PRKN: variants seen among roughly 807,000 people sequenced by gnomAD.
PRKN encodes parkin RBR E3 ubiquitin protein ligase.
In PRKN, 56 loss-of-function variants were observed where a neutral mutation model predicts 59.5. The ratio of observed to expected loss-of-function variants is 0.94; its 90% CI spans 0.76 to 1.18. The LOEUF (loss-of-function observed/expected upper bound fraction) is 1.18, where lower values mean the gene tolerates loss of function less well. Among genes scored for constraint, PRKN ranks in the 50% most tolerant of loss-of-function variants. The pLI is 0.00. For missense variants in PRKN, 657 were observed against 596.4 expected, an observed-to-expected ratio of 1.10 and a Z score of -1.06; for synonymous variants, 250 against 222.1, an observed-to-expected ratio of 1.13 and a Z score of -1.12.
intron 2 of PRKN, among the ~76,000 whole-genome samples, chr6:162,404,631 C>G (rs1787970036): frequency 6.6e-6 from 1 of 152,060 alleles, no homozygotes; most frequent in Non-Finnish European, 1.5e-5. Flanking sequence ...TGGCTCACTG[C>G]AACCTCCACC....
At chr6:161,940,717 G>A (rs960023596) in intron 6 of PRKN, among the ~76,000 whole-genome samples, 5 of 152,128 alleles carry the variant, frequency 3.3e-5, no homozygotes, top group Admixed American at 2.0e-4. Flanking sequence ...AAGAAGAGCC[G>A]GAAAGTGACT....
chr6:162,504,317 T>C (rs567517573), intron 1 of PRKN, among the ~76,000 whole-genome samples: 43 of 152,282 alleles, frequency 2.8e-4, no homozygotes, highest in African/African-American at 7.5e-4. Flanking sequence ...AATCTGTGCA[T>C]AAGCCATGAC....
chr6:161,689,929 C>T (rs1322762544), intron 7 of PRKN, among the ~76,000 whole-genome samples: 3 of 101,696 alleles, frequency 2.9e-5, no homozygotes, highest in South Asian at 4.0e-4. Context: ...AGGCTGGTCT[C>T]GAGCTCCTGA....
At chr6:162,328,656 A>G (rs1427443333) in intron 2 of PRKN, among the ~76,000 whole-genome samples, 1 of 152,174 alleles carries the variant, frequency 6.6e-6, no homozygotes, top group Non-Finnish European at 1.5e-5. Context: ...GGCAGCTCTG[A>G]TATTAAAGCC....
At chr6:162,084,769 A>T (rs957098469) in intron 4 of PRKN, among the ~76,000 whole-genome samples, 2 of 152,024 alleles carry the variant, frequency 1.3e-5, no homozygotes, top group Admixed American at 1.3e-4. Context: ...TATAGTGTGT[A>T]TTTAAAAAAT....
At chr6:162,103,278 A>C (rs963839124) in intron 4 of PRKN, among the ~76,000 whole-genome samples, 4 of 152,134 alleles carry the variant, frequency 2.6e-5, no homozygotes, top group Non-Finnish European at 5.9e-5. Flanking sequence ...GAAAATGAGG[A>C]TGAAATTCCA....
intron 2 of PRKN, among the ~76,000 whole-genome samples, chr6:162,401,684 A>C (rs543622215): frequency 6.6e-6 from 1 of 152,332 alleles, no homozygotes; most frequent in Non-Finnish European, 1.5e-5. Flanking sequence ...TTTAAGCAAT[A>C]AACTTCAAAC....
intron 7 of PRKN, among the ~76,000 whole-genome samples, chr6:161,647,201 C>T (rs1783989016): frequency 6.6e-6 from 1 of 152,184 alleles, no homozygotes; most frequent in Non-Finnish European, 1.5e-5. Flanking sequence ...TACATCCTTA[C>T]CTATAAGGAT....
At chr6:161,820,130 CT>C (rs928338893) in intron 6 of PRKN, among the ~76,000 whole-genome samples, 1 of 151,964 alleles carries the variant, frequency 6.6e-6, no homozygotes, top group Non-Finnish European at 1.5e-5. Flanking sequence ...GTAATTTAAA[CT>C]TTTTTACCAG....
At chr6:162,520,034 G>A (rs1368429012) in intron 1 of PRKN, among the ~76,000 whole-genome samples, 1 of 152,144 alleles carries the variant, frequency 6.6e-6, no homozygotes, top group African/African-American at 2.4e-5. Context: ...AGGACTGCTT[G>A]AGACCAGGAG....
chr6:162,170,606 G>T (rs1252249769), intron 4 of PRKN, among the ~76,000 whole-genome samples: 1 of 152,182 alleles, frequency 6.6e-6, no homozygotes, highest in African/African-American at 2.4e-5. Flanking sequence ...AATATTAGAT[G>T]AAGGAATTTG....
At chr6:162,034,184 T>TAGAGAGAGAG (rs763053180) in intron 5 of PRKN, among the ~76,000 whole-genome samples, 84 of 122,810 alleles carry the variant, frequency 6.8e-4, no homozygotes, top group African/African-American at 1.4e-3. Flanking sequence ...TATATATATA[T>TAGAGAGAGAG]ATAGAGAGAG....
Position 161,510,709 on chromosome 6 carries a change from T to C in PRKN, c.1083+38145A>G, listed in dbSNP as rs75722601. On this transcript the variant is annotated intron_variant, in intron 9 of 11. Transcript: ENST00000366898. ...GTCAATGTTACTCCAGCAGAAGTTA[T>C]GTTTTTGCTAACCTTCAAGAAAATA... Among the ~76,000 whole-genome samples the C allele has an allele frequency of 6.6e-3, 1,009 of 152,352 alleles. 11 individuals carry two copies. Among genetic ancestry groups the C allele is most frequent in the African/African-American group, 0.022 (917 of 41,582 alleles).
chr6:161,594,446 G>A (rs1005056501), intron 7 of PRKN, among the ~76,000 whole-genome samples: 2 of 152,202 alleles, frequency 1.3e-5, no homozygotes, highest in African/African-American at 4.8e-5. Context: ...TTCAAGAAGA[G>A]TGGCAGGCCA....
In PRKN at chr6:162,458,854, T is replaced by C. The variant is rs573762084; in HGVS notation, c.8-15381A>G. Among the ~76,000 whole-genome samples the C allele has an allele frequency of 3.7e-3, 564 of 152,276 alleles. 3 individuals carry two copies. The highest frequency in any genetic ancestry group is 6.0e-3 in the Non-Finnish European group (405 of 68,020). On this transcript the variant is annotated intron_variant, in intron 1 of 11. Coordinates refer to ENST00000366898, the MANE Select transcript of PRKN (RefSeq NM_004562.3). ...GTTTTTAAGACAGGGTCTCACTCTG[T>C]CACTAAGGCTGGAGTATAGTTGCAT...
At chr6:162,122,144 C>T (rs1780941419) in intron 4 of PRKN, among the ~76,000 whole-genome samples, 1 of 152,174 alleles carries the variant, frequency 6.6e-6, no homozygotes, top group African/African-American at 2.4e-5. Context: ...GCCAACAAGA[C>T]GACATGCCCT....
chr6:162,388,733 T>G (rs1228484684), intron 2 of PRKN, among the ~76,000 whole-genome samples: 1 of 152,150 alleles, frequency 6.6e-6, no homozygotes, highest in Non-Finnish European at 1.5e-5. Flanking sequence ...GACCCCTCTC[T>G]CTTCTCCAGT....
At chr6:162,569,463 A>G in intron 1 of PRKN, 1 of 687,702 alleles carries the variant, frequency 1.5e-6, no homozygotes, top group Non-Finnish European at 2.8e-6. Flanking sequence ...AAGCTGCTGG[A>G]GAGTGAGGAG....
intron 7 of PRKN, among the ~76,000 whole-genome samples, chr6:161,629,268 G>A (rs116375496): frequency 0.029 from 4,389 of 152,226 alleles, 99 homozygotes; most frequent in South Asian, 0.073. Context: ...AGGGTGATGT[G>A]GATCCAGGAG....
Sources: gnomAD v4.1 joint callset for allele counts (sites outside exome capture counted in the v4.1 genomes callset) on GRCh38, gnomAD v4.1.1 for gene constraint, MANE v1.5 for transcripts, NCBI Gene and HGNC (gene_info 2026-07-23, HGNC 2026-07-21) for gene names.